The following ERBB4 variants were observed in gnomAD, a reference collection of about 807,000 sequenced individuals.
The protein encoded by ERBB4 is receptor tyrosine-protein kinase erbB-4.
Under a neutral mutation model 158.0 loss-of-function variants are expected in ERBB4, and 42 were observed. The ratio of observed to expected loss-of-function variants is 0.27; its 90% confidence interval spans 0.21 to 0.34. The LOEUF (loss-of-function observed/expected upper bound fraction) is 0.34, where lower values mean the gene tolerates loss of function less well. ERBB4 is among the 10% of genes least tolerant of loss of function. The pLI, the probability that ERBB4 is intolerant of heterozygous loss-of-function variation, is 1.00. For synonymous variants in ERBB4, 583 were observed against 558.7 expected, an observed-to-expected ratio of 1.04 and a Z score of -0.61; for missense variants, 1,333 against 1,624.1, an observed-to-expected ratio of 0.82 and a Z score of 3.08.
chr2:211,550,127 G>A (rs978056817), intron 20 of ERBB4, among the ~76,000 whole-genome samples: 24 of 151,920 alleles, frequency 1.6e-4, no homozygotes, highest in African/African-American at 4.8e-4. Flanking sequence ...GCTAATAAAC[G>A]TATCCTTCAC....
intron 1 of ERBB4, among the ~76,000 whole-genome samples, chr2:212,354,353 G>A (rs992784673): frequency 2.6e-5 from 4 of 152,036 alleles, no homozygotes; most frequent in Non-Finnish European, 4.4e-5. Flanking sequence ...ATTATTAATA[G>A]GTCATAAGGA....
chr2:211,811,849 A>G (rs752260134), intron 3 of ERBB4, among the ~76,000 whole-genome samples: 1 of 152,148 alleles, frequency 6.6e-6, no homozygotes, highest in East Asian at 1.9e-4. Flanking sequence ...TTCTCGTGCC[A>G]TGGTTTTCAG....
intron 14 of ERBB4, 115 bp from the exon 15 acceptor site, chr2:211,665,592 A>G: frequency 2.1e-6 from 2 of 936,246 alleles, no homozygotes; most frequent in Non-Finnish European, 3.4e-6. Flanking sequence ...TTCCTCTAAG[A>G]GAATTGGAGA....
intron 1 of ERBB4, among the ~76,000 whole-genome samples, chr2:212,197,833 T>G (rs1328973684): frequency 6.6e-6 from 1 of 152,220 alleles, no homozygotes; most frequent in Non-Finnish European, 1.5e-5. Context: ...TTCCTCTAAA[T>G]TCTAACTTGC....
At chr2:212,368,342 T>G (rs1052755716) in intron 1 of ERBB4, among the ~76,000 whole-genome samples, 2 of 152,078 alleles carry the variant, frequency 1.3e-5, no homozygotes, top group African/African-American at 4.8e-5. Flanking sequence ...AATCAAACAT[T>G]GTATGTTCTC....
intron 1 of ERBB4, among the ~76,000 whole-genome samples, chr2:212,278,827 G>A (rs754360986): frequency 4.6e-5 from 7 of 151,374 alleles, no homozygotes; most frequent in South Asian, 2.1e-4. Context: ...TAGCATAATC[G>A]GTCACTTTAT....
intron 2 of ERBB4, among the ~76,000 whole-genome samples, chr2:212,113,433 G>T (rs1400944456): frequency 6.6e-6 from 1 of 151,732 alleles, no homozygotes; most frequent in African/African-American, 2.4e-5. Context: ...AATTAGCTGG[G>T]TGTGGTGGTG....
At chr2:211,415,107 CTTTTTTT>C (rs71047175) in intron 25 of ERBB4, among the ~76,000 whole-genome samples, 68 of 72,536 alleles carry the variant, frequency 9.4e-4, no homozygotes, top group African/African-American at 2.1e-3. Context: ...CTTACATTTT[CTTTTTTT>C]TTTTTTTTTT....
chr2:212,500,424 A>C (rs1278000093), intron 1 of ERBB4, among the ~76,000 whole-genome samples: 1 of 152,150 alleles, frequency 6.6e-6, no homozygotes, highest in Non-Finnish European at 1.5e-5. Context: ...AATATGAATT[A>C]CCATCTGTCC....
intron 1 of ERBB4, among the ~76,000 whole-genome samples, chr2:212,484,086 T>C (rs1476426162): frequency 1.3e-5 from 2 of 152,190 alleles, no homozygotes; most frequent in Non-Finnish European, 2.9e-5. Flanking sequence ...GAGGTATTAA[T>C]GTTCTTTTAC....
intron 1 of ERBB4, among the ~76,000 whole-genome samples, chr2:212,470,080 T>G: frequency 6.6e-6 from 1 of 152,132 alleles, no homozygotes; most frequent in East Asian, 1.9e-4. Context: ...CAATATATTT[T>G]TTTTAAATGT....
intron 13 of ERBB4, 105 bp downstream of exon 13, chr2:211,678,947 A>G: frequency 1.8e-6 from 2 of 1,122,544 alleles, no homozygotes; most frequent in South Asian, 2.9e-5. Flanking sequence ...AGCCAGGGCG[A>G]CAGAGCGAGA....
Position 211,999,123 on chromosome 2 carries a change from C to T in ERBB4, c.235-51507G>A, listed in dbSNP as rs2076043918. The stretch of plus-strand genomic sequence containing the variant: ...GGAATATTTAATAACTGATAGTTTA[C>T]ACTTTTCTGACCTATAACAGACTTT... On this transcript the variant is annotated intron_variant, in intron 2 of 27. Transcript: ENST00000342788. Among the ~76,000 whole-genome samples the T allele has an allele frequency of 2.0e-5, 3 of 151,590 alleles. No individual in the cohort carries two copies. The South Asian group carries it at 6.2e-4, about 31-fold the overall frequency.
At chr2:212,019,434 G>A (rs1161702040) in intron 2 of ERBB4, among the ~76,000 whole-genome samples, 2 of 151,998 alleles carry the variant, frequency 1.3e-5, no homozygotes, top group African/African-American at 4.8e-5. Context: ...AACATAAAAT[G>A]ATGAATGGAA....
intron 7 of ERBB4, among the ~76,000 whole-genome samples, chr2:211,715,370 A>C (rs1208674375): frequency 6.6e-6 from 1 of 152,162 alleles, no homozygotes; most frequent in Non-Finnish European, 1.5e-5. Context: ...TCCCTTCCCC[A>C]AAAAGTGCTG....
intron 1 of ERBB4, among the ~76,000 whole-genome samples, chr2:212,186,453 T>C (rs2082019370): frequency 6.6e-6 from 1 of 152,218 alleles, no homozygotes; most frequent in Non-Finnish European, 1.5e-5. Context: ...TTTACTTCAC[T>C]GGTAAATACA....
chr2:212,031,882 A>G (rs958805479), intron 2 of ERBB4, among the ~76,000 whole-genome samples: 7 of 152,106 alleles, frequency 4.6e-5, no homozygotes, highest in Admixed American at 1.3e-4. Flanking sequence ...AAAGATTATT[A>G]TGGCAATTTC....
At chr2:212,122,660 A>C (rs1403924937) in intron 2 of ERBB4, among the ~76,000 whole-genome samples, 1 of 152,098 alleles carries the variant, frequency 6.6e-6, no homozygotes, top group Non-Finnish European at 1.5e-5. Context: ...AACACAGTAT[A>C]GACCATATAT....
rs552003589 is a variant in ERBB4 at position 211,465,613 on chromosome 2, G to GA, written c.2488-34514dup. On this transcript the variant is annotated intron_variant, in intron 20 of 27. Transcript: ENST00000342788. ...TACATAAGATACTGCTTATGCCTAT[G>GA]AAAAAAAGGGCCTCAAATAGAGTCA... 7.2e-4 allele frequency among the ~76,000 whole-genome samples: 109 copies of GA among 152,012 alleles called. 1 individual carries two copies. Among genetic ancestry groups the GA allele is most frequent in the African/African-American group, 2.5e-3 (105 of 41,508 alleles).
Sources: allele counts gnomAD v4.1 joint callset (sites outside exome capture counted in the v4.1 genomes callset), GRCh38; gene constraint gnomAD v4.1.1; transcripts MANE v1.5; gene names NCBI Gene and HGNC (gene_info 2026-07-23, HGNC 2026-07-21).